The following PTRH1 variants were observed in gnomAD, a reference collection of about 807,000 sequenced individuals.
PTRH1 encodes peptidyl-tRNA hydrolase.
A neutral mutation model predicts 15.7 loss-of-function variants in PTRH1; 13 were observed. That is an observed-to-expected ratio of 0.83 (90% CI 0.54 to 1.31). The LOEUF is 1.31. Among genes scored for constraint, PTRH1 ranks in the 40% most tolerant of loss-of-function variants. PTRH1 has a pLI of 0.00. For synonymous variants in PTRH1, 139 were observed against 136.7 expected (o/e 1.02, Z -0.12); for missense variants, 319 against 296.2 (o/e 1.08, Z -0.56).
At chr9:127,712,416 C>T (rs1184916569), downstream of PTRH1, 2 of 1,581,364 alleles carry the variant, frequency 1.3e-6, no homozygotes, top group East Asian at 4.5e-5. Flanking sequence ...AAGCTGCTTG[C>T]AGAGAAGGGG....
chr9:127,715,655 T>A lies in PTRH1; in HGVS notation c.-16A>T, dbSNP rs375464294. On this transcript the variant is annotated 5_prime_UTR_variant, in exon 1 of 5. Transcript: ENST00000543175. The surrounding 1 kb of genome is among the most constrained non-coding windows in gnomAD (Gnocchi z 5.8). ...CCGGCCTCATGCTGCCCCCATTCAC[T>A]CCGACACCGCCCCCTGACGTCATCA... 33 of 1,608,032 alleles carry A rather than the reference T, an allele frequency of 2.1e-5. No individual in the cohort carries two copies. Among genetic ancestry groups the A allele is most frequent in the Non-Finnish European group, 2.5e-5 (30 of 1,178,892 alleles).
intron 2 of PTRH1, 135 bp downstream of exon 2, chr9:127,714,840 A>G: frequency 9.7e-7 from 1 of 1,028,878 alleles, no homozygotes; most frequent in Non-Finnish European, 1.4e-6. Context: ...ACCCAAAGCC[A>G]TGCAGCAACT....
At position 127,705,188 on chromosome 9, in the gene PTRH1, A is replaced by G. The variant is rs1842633639; in HGVS notation, c.206-10047T>C. Among the ~76,000 whole-genome samples the G allele has an allele frequency of 6.6e-6, 1 of 152,078 alleles. No individual in the cohort carries two copies. The highest frequency in any genetic ancestry group is 2.4e-5 in the African/African-American group (1 of 41,392). On this transcript the variant is annotated intron_variant, in intron 1 of 2. Transcript: ENST00000335223. The surrounding 1 kb of genome is among the most constrained non-coding windows in gnomAD (Gnocchi z 4.7). ...TGCTGCAGTCTGCATGGCTTTGTGC[A>G]CTGCCTGACTCCCCTCAGAAGACCC... is the stretch of plus-strand genomic sequence containing the variant.
downstream of PTRH1, chr9:127,711,633 G>C: frequency 8.2e-7 from 1 of 1,220,688 alleles, no homozygotes; most frequent in Non-Finnish European, 1.1e-6. Context: ...GCCTCCTGTG[G>C]GGGCTGCAGG....
At chr9:127,702,523 T>C (rs1373236379) in intron 1 of PTRH1, among the ~76,000 whole-genome samples, 2 of 151,768 alleles carry the variant, frequency 1.3e-5, no homozygotes, top group Non-Finnish European at 2.9e-5. Flanking sequence ...GGAGACAGAG[T>C]GAGACCCTGT....
Position 127,714,665 on chromosome 9 carries a change from C to A in PTRH1, c.354G>T (p.Leu118=). The change falls in exon 3 of 5, where the codon CTG becomes CTT. Residue 118 remains leucine, a synonymous_variant. Coordinates refer to ENST00000543175, the MANE Select transcript of PTRH1 (RefSeq NM_001002913.3). ...GGGGCTTGTCCAGCTCATCATGCAC[C>A]AGGTAGACTTCCTCGGCAGTCAGCC... ...LFGLTAEEVY[L]VHDELDKPLG... 6.2e-7 allele frequency: 1 copy of A among 1,613,908 alleles called. No individual in the cohort carries two copies. Among genetic ancestry groups the A allele is most frequent in the Middle Eastern group, 1.6e-4 (1 of 6,062 alleles).
chr9:127,710,372 G>A (rs1319987848), downstream of PTRH1, among the ~76,000 whole-genome samples: 1 of 152,018 alleles, frequency 6.6e-6, no homozygotes, highest in Admixed American at 6.5e-5. Flanking sequence ...GGTGGAACCT[G>A]AACAAAACTT....
chr9:127,712,124 C>A, downstream of PTRH1: 1 of 1,568,308 alleles, frequency 6.4e-7, no homozygotes, highest in African/African-American at 1.4e-5. Flanking sequence ...AGAGAAATGG[C>A]AGGGCCCCTG....
At chr9:127,698,221 C>G (rs1331809555) in intron 1 of PTRH1, among the ~76,000 whole-genome samples, 1 of 152,006 alleles carries the variant, frequency 6.6e-6, no homozygotes, top group Non-Finnish European at 1.5e-5. Context: ...ACAGCAAGAC[C>G]CCGAATCTAT....
chr9:127,708,797 G>T (rs565863695), intron 1 of PTRH1, among the ~76,000 whole-genome samples: 18 of 152,346 alleles, frequency 1.2e-4, no homozygotes, highest in African/African-American at 3.8e-4. Context: ...TGTGGCTCAG[G>T]GCCAAGAAGG....
intron 1 of PTRH1, among the ~76,000 whole-genome samples, chr9:127,702,034 C>A (rs1195891086): frequency 6.6e-6 from 1 of 151,672 alleles, no homozygotes. Flanking sequence ...CGAGCCTGGG[C>A]AAAACAGGGA....
Position 127,715,366 on chromosome 9 carries a change from G to T in PTRH1, c.97-172C>A. 8.1e-7 allele frequency: 1 copy of T among 1,232,180 alleles called. No individual in the cohort carries two copies. Among genetic ancestry groups the T allele is most frequent in the Non-Finnish European group, 1.2e-6 (1 of 867,828 alleles). 76.3% of individuals were successfully genotyped at this position (1,232,180 alleles called of 1,614,324 possible). On this transcript the variant is annotated intron_variant, in intron 1 of 4. Transcript: ENST00000543175. This position sits in a 1 kb window ranked among gnomAD's most constrained non-coding sequence, Gnocchi z 5.8. ...ACCCCTGAGAACTCCAGAAGGCTGG[G>T]CAGGCAGGGCGCCCTAGTGCAGGAA...
downstream of PTRH1, chr9:127,711,162 C>T: frequency 1.3e-6 from 2 of 1,562,050 alleles, no homozygotes; most frequent in Non-Finnish European, 1.7e-6. Context: ...GGGAACCTCA[C>T]AAAGGGGTGT....
chr9:127,712,084 G>A, downstream of PTRH1: 1 of 1,507,416 alleles, frequency 6.6e-7, no homozygotes, highest in Non-Finnish European at 8.9e-7. Flanking sequence ...GCTGAGGCTT[G>A]GGGCGGGATG....
At chr9:127,706,891 G>A in intron 1 of PTRH1, 1 of 983,220 alleles carries the variant, frequency 1.0e-6, no homozygotes, top group Non-Finnish European at 1.5e-6. Context: ...AGTGGGACCT[G>A]GTACCGGCAC....
At chr9:127,698,483 C>T (rs1396856301) in intron 1 of PTRH1, among the ~76,000 whole-genome samples, 7 of 152,116 alleles carry the variant, frequency 4.6e-5, no homozygotes, top group Non-Finnish European at 1.5e-5. Flanking sequence ...CCCAGGAGTT[C>T]ATGGCCAGCC....
intron 1 of PTRH1, among the ~76,000 whole-genome samples, chr9:127,708,169 C>T (rs1184663235): frequency 6.6e-6 from 1 of 152,160 alleles, no homozygotes; most frequent in Non-Finnish European, 1.5e-5. Context: ...TGTTGGTCAA[C>T]TAAATTATGA....
At chr9:127,701,492 G>A (rs777067382) in intron 1 of PTRH1, among the ~76,000 whole-genome samples, 41 of 152,182 alleles carry the variant, frequency 2.7e-4, no homozygotes, top group Admixed American at 5.9e-4. Flanking sequence ...TGCCAGACAG[G>A]CTCCAGCCCA....
downstream of PTRH1, chr9:127,712,020 G>T: frequency 6.5e-7 from 1 of 1,544,210 alleles, no homozygotes; most frequent in East Asian, 2.3e-5. Flanking sequence ...AGCTCTTTCC[G>T]ATCCCACGAC....
Sources: allele counts gnomAD v4.1 joint callset (sites outside exome capture counted in the v4.1 genomes callset), GRCh38; gene constraint gnomAD v4.1.1; non-coding constraint Gnocchi (gnomAD v3.1); transcripts MANE v1.5; gene names NCBI Gene and HGNC (gene_info 2026-07-23, HGNC 2026-07-21).